GRID1: variants seen among roughly 807,000 people sequenced by gnomAD.
The protein encoded by GRID1 is glutamate ionotropic receptor delta type subunit 1.
Under a neutral mutation model 98.0 loss-of-function variants are expected in GRID1, and 28 were observed. The observed-to-expected ratio is 0.29, with a 90% CI of 0.21 to 0.39. The LOEUF (loss-of-function observed/expected upper bound fraction) is 0.39. Ranked by LOEUF, GRID1 falls within the 10% of genes least tolerant of loss-of-function variation. GRID1 has a pLI of 1.00. For missense variants in GRID1, 1,111 were observed against 1,340.5 expected, an observed-to-expected ratio of 0.83 and a Z score of 2.67; for synonymous variants, 553 against 538.5, an observed-to-expected ratio of 1.03 and a Z score of -0.37.
At chr10:85,868,226 T>C (rs1843239956) in intron 6 of GRID1, among the ~76,000 whole-genome samples, 1 of 152,174 alleles carries the variant, frequency 6.6e-6, no homozygotes, top group South Asian at 2.1e-4. Context: ...GTCCTGGTGC[T>C]CTCACTAAGC....
intron 8 of GRID1, among the ~76,000 whole-genome samples, chr10:85,757,178 A>G (rs1052856494): frequency 3.9e-5 from 6 of 152,152 alleles, no homozygotes; most frequent in African/African-American, 1.4e-4. Context: ...GCACAGCCTC[A>G]ATGCCTTCAA....
rs370804609 is a variant in GRID1 at position 85,693,378 on chromosome 10, A to G, written c.1997+29625T>C. Among the ~76,000 whole-genome samples the G allele has an allele frequency of 4.9e-4, 74 of 152,286 alleles. No individual in the cohort carries two copies. The South Asian group carries it at 5.6e-3, about 12-fold the overall frequency. On this transcript the variant is annotated intron_variant, in intron 12 of 15. Transcript: ENST00000327946. ...GTGAAACTATTATGTATAATACCAT[A>G]AAGATGGATATATGTCATTATATAT... is the stretch of plus-strand genomic sequence containing the variant.
At chr10:85,918,657 CCT>C (rs974117370) in intron 4 of GRID1, among the ~76,000 whole-genome samples, 3 of 152,186 alleles carry the variant, frequency 2.0e-5, no homozygotes, top group African/African-American at 7.2e-5. Context: ...CTCTATGCAT[CCT>C]CTGAGTGTTG....
intron 8 of GRID1, among the ~76,000 whole-genome samples, chr10:85,826,274 G>A (rs1365028561): frequency 1.3e-5 from 2 of 152,228 alleles, no homozygotes; most frequent in Non-Finnish European, 2.9e-5. Flanking sequence ...GGCGAAGGTT[G>A]CGGTGAGCCG....
At chr10:85,649,776 C>T (rs954742067) in intron 12 of GRID1, among the ~76,000 whole-genome samples, 1 of 152,114 alleles carries the variant, frequency 6.6e-6, no homozygotes, top group Non-Finnish European at 1.5e-5. Context: ...AACAAGCAGG[C>T]AGCCCAAATG....
chr10:85,628,400 A>C (rs1239949161), intron 13 of GRID1, among the ~76,000 whole-genome samples: 1 of 151,934 alleles, frequency 6.6e-6, no homozygotes, highest in Non-Finnish European at 1.5e-5. Flanking sequence ...GAGTGTGTTT[A>C]TGTGTGAGTG....
At chr10:85,982,812 C>T (rs1842562096) in intron 4 of GRID1, among the ~76,000 whole-genome samples, 1 of 152,164 alleles carries the variant, frequency 6.6e-6, no homozygotes, top group South Asian at 2.1e-4. Flanking sequence ...AACTTTTTCC[C>T]TAAGTGGCTA....
At chr10:86,138,313 T>G (rs562442262) in intron 4 of GRID1, among the ~76,000 whole-genome samples, 1 of 152,318 alleles carries the variant, frequency 6.6e-6, no homozygotes, top group African/African-American at 2.4e-5. Flanking sequence ...GAGATGTTTT[T>G]AAAAGAAATT....
At chr10:86,223,818 G>C (rs1022943405) in intron 2 of GRID1, among the ~76,000 whole-genome samples, 1 of 151,902 alleles carries the variant, frequency 6.6e-6, no homozygotes, top group African/African-American at 2.4e-5. Flanking sequence ...TGATAGACCA[G>C]GGACCAGCAA....
At chr10:85,903,385 G>A (rs769724788) in intron 5 of GRID1, among the ~76,000 whole-genome samples, 11 of 151,534 alleles carry the variant, frequency 7.3e-5, no homozygotes, top group Admixed American at 2.0e-4. Context: ...AAATCTTATC[G>A]GCTCCCCACC....
chr10:85,954,636 C>T (rs2131845483), intron 4 of GRID1, among the ~76,000 whole-genome samples: 1 of 152,332 alleles, frequency 6.6e-6, no homozygotes, highest in African/African-American at 2.4e-5. Flanking sequence ...TATGGTTCCT[C>T]ATAAGCAGTG....
At chr10:86,344,313 G>A (rs1345698358) in intron 2 of GRID1, among the ~76,000 whole-genome samples, 2 of 152,254 alleles carry the variant, frequency 1.3e-5, no homozygotes, top group African/African-American at 4.8e-5. Context: ...TGAGGAAACT[G>A]AGGCTCAGAT....
At chr10:86,077,485 C>A (rs533894176) in intron 4 of GRID1, among the ~76,000 whole-genome samples, 2 of 152,156 alleles carry the variant, frequency 1.3e-5, no homozygotes, top group African/African-American at 4.8e-5. Context: ...ACTTTGAGCT[C>A]GGTCCCACCT....
chr10:86,224,109 C>T (rs1002379388), intron 2 of GRID1, among the ~76,000 whole-genome samples: 10 of 152,238 alleles, frequency 6.6e-5, no homozygotes, highest in African/African-American at 9.6e-5. Flanking sequence ...AACTGTACTC[C>T]GGTTTCACCC....
At chr10:85,780,420 C>G (rs965906086) in intron 8 of GRID1, among the ~76,000 whole-genome samples, 1 of 152,174 alleles carries the variant, frequency 6.6e-6, no homozygotes, top group African/African-American at 2.4e-5. Flanking sequence ...TCTGGTGTTA[C>G]AGAGAGCCCT....
At chr10:85,830,933 A>C (rs1033655290) in intron 8 of GRID1, among the ~76,000 whole-genome samples, 2 of 152,128 alleles carry the variant, frequency 1.3e-5, no homozygotes, top group East Asian at 3.8e-4. Flanking sequence ...CAAAATTACT[A>C]TTTCACCCAG....
At chr10:85,783,525 A>T (rs1039270272) in intron 8 of GRID1, among the ~76,000 whole-genome samples, 13 of 152,216 alleles carry the variant, frequency 8.5e-5, no homozygotes, top group African/African-American at 3.1e-4. Flanking sequence ...AACCCACTGA[A>T]TATAGCTCTT....
intron 4 of GRID1, among the ~76,000 whole-genome samples, chr10:86,121,904 C>A (rs1844682971): frequency 6.6e-6 from 1 of 152,194 alleles, no homozygotes; most frequent in Admixed American, 6.5e-5. Context: ...TATGCTCTTA[C>A]CTGCTCTGAC....
chr10:85,915,667 TAC>T (rs1365800586), intron 5 of GRID1, among the ~76,000 whole-genome samples: 1 of 151,170 alleles, frequency 6.6e-6, no homozygotes, highest in Non-Finnish European at 1.5e-5. Flanking sequence ...ACACAACTCA[TAC>T]ACAAACACAC....
Sources: gnomAD v4.1 joint callset for allele counts (sites outside exome capture counted in the v4.1 genomes callset) on GRCh38, gnomAD v4.1.1 for gene constraint, MANE v1.5 for transcripts, NCBI Gene and HGNC (gene_info 2026-07-23, HGNC 2026-07-21) for gene names.